Variants in CPQ observed in about 807,000 individuals in gnomAD.
CPQ encodes Ser-Met dipeptidase.
Under a neutral mutation model 45.7 loss-of-function variants are expected in CPQ, and 37 were observed. The observed-to-expected ratio is 0.81, with a 90% CI of 0.62 to 1.07. CPQ has a LOEUF of 1.07. Among genes scored for constraint, CPQ ranks in the 50% least tolerant of loss-of-function variants. CPQ has a pLI of 0.00. For synonymous variants in CPQ, 186 were observed against 205.8 expected, an observed-to-expected ratio of 0.90 and a Z score of 0.82; for missense variants, 537 against 572.9, an observed-to-expected ratio of 0.94 and a Z score of 0.64.
intron 4 of CPQ, among the ~76,000 whole-genome samples, chr8:96,950,509 C>A (rs1198335730): frequency 1.3e-5 from 2 of 152,058 alleles, no homozygotes; most frequent in Non-Finnish European, 2.9e-5. Flanking sequence ...TCCTCCTCCC[C>A]TCTCCCCAGT....
At chr8:97,003,836 T>A (rs1809331156) in intron 5 of CPQ, among the ~76,000 whole-genome samples, 1 of 152,198 alleles carries the variant, frequency 6.6e-6, no homozygotes, top group Non-Finnish European at 1.5e-5. Flanking sequence ...AACCTCATCA[T>A]TCTGCTAAGT....
At chr8:96,825,374 A>T (rs1211982693) in intron 2 of CPQ, among the ~76,000 whole-genome samples, 3 of 151,994 alleles carry the variant, frequency 2.0e-5, no homozygotes, top group Non-Finnish European at 2.9e-5. Context: ...TATGAAGCTA[A>T]CACCATGGGT....
intron 1 of CPQ, among the ~76,000 whole-genome samples, chr8:96,730,866 C>CATGTATATATATATATATATAT: frequency 1.5e-5 from 1 of 68,696 alleles, no homozygotes; most frequent in Admixed American, 1.7e-4. Flanking sequence ...ACCATACATA[C>CATGTATATATATATATATATAT]ATATATATAT....
intron 2 of CPQ, among the ~76,000 whole-genome samples, chr8:96,801,074 A>C (rs1270144317): frequency 6.6e-6 from 1 of 150,564 alleles, no homozygotes; most frequent in Non-Finnish European, 1.5e-5. Flanking sequence ...CTCATGGGTT[A>C]AACCAATTCT....
At chr8:96,743,304 C>T (rs1048968013) in intron 1 of CPQ, among the ~76,000 whole-genome samples, 4 of 151,660 alleles carry the variant, frequency 2.6e-5, no homozygotes, top group African/African-American at 4.8e-5. Flanking sequence ...ACGTAGTTCT[C>T]GAGCCTTGGT....
At chr8:97,045,168 T>C (rs1563564499) in intron 6 of CPQ, among the ~76,000 whole-genome samples, 1 of 152,246 alleles carries the variant, frequency 6.6e-6, no homozygotes, top group African/African-American at 2.4e-5. Context: ...CTGCTTTTTT[T>C]ACCTAAGCAA....
intron 2 of CPQ, among the ~76,000 whole-genome samples, chr8:96,809,093 C>A (rs1264314905): frequency 6.6e-6 from 1 of 151,952 alleles, no homozygotes; most frequent in Non-Finnish European, 1.5e-5. Flanking sequence ...AGCTGTTTGA[C>A]CAGAAGATTC....
chr8:97,072,288 A>T (rs1810757031), intron 7 of CPQ, among the ~76,000 whole-genome samples: 2 of 152,134 alleles, frequency 1.3e-5, no homozygotes, highest in Admixed American at 1.3e-4. Context: ...AATTAAAAGT[A>T]GCTGCAATAT....
intron 3 of CPQ, among the ~76,000 whole-genome samples, chr8:96,840,697 T>C (rs965659561): frequency 6.6e-6 from 1 of 152,142 alleles, no homozygotes. Flanking sequence ...AGGGCATAGA[T>C]GATGGCAATT....
intron 4 of CPQ, among the ~76,000 whole-genome samples, chr8:96,920,005 A>T (rs754859813): frequency 3.9e-5 from 6 of 152,216 alleles, no homozygotes; most frequent in Non-Finnish European, 5.9e-5. Flanking sequence ...GATAATAGCA[A>T]TACAAACATT....
chr8:96,954,058 C>T (rs1813312490), intron 4 of CPQ, among the ~76,000 whole-genome samples: 1 of 152,118 alleles, frequency 6.6e-6, no homozygotes, highest in Non-Finnish European at 1.5e-5. Flanking sequence ...GCAATGCTAA[C>T]ATTCAAAACT....
chr8:96,791,342 G>A (rs1810842811), intron 2 of CPQ, among the ~76,000 whole-genome samples: 1 of 152,150 alleles, frequency 6.6e-6, no homozygotes, highest in Non-Finnish European at 1.5e-5. Flanking sequence ...GTTGATACCT[G>A]TACTGTGACA....
intron 4 of CPQ, 143 bp downstream of exon 4, chr8:96,880,148 T>C: frequency 1.5e-6 from 1 of 686,102 alleles, no homozygotes; most frequent in Non-Finnish European, 2.4e-6. Flanking sequence ...ATATATATTT[T>C]TTCTCATCAA....
chr8:96,928,863 C>T (rs866044878), intron 4 of CPQ, among the ~76,000 whole-genome samples: 2 of 152,122 alleles, frequency 1.3e-5, no homozygotes, highest in Admixed American at 6.5e-5. Context: ...TGTTTGGATT[C>T]GGGTCTGATT....
intron 1 of CPQ, among the ~76,000 whole-genome samples, chr8:96,704,885 T>G (rs1809513160): frequency 6.6e-6 from 1 of 152,138 alleles, no homozygotes; most frequent in Non-Finnish European, 1.5e-5. Context: ...AGGTATTAAG[T>G]AGACAATTGG....
At chr8:96,883,105 G>A (rs1435158624) in intron 4 of CPQ, among the ~76,000 whole-genome samples, 3 of 152,118 alleles carry the variant, frequency 2.0e-5, no homozygotes, top group Non-Finnish European at 2.9e-5. Flanking sequence ...TGATTCAGTT[G>A]TTTCTTCCTT....
At chr8:96,771,953 C>G (rs562177872) in intron 1 of CPQ, among the ~76,000 whole-genome samples, 6 of 151,888 alleles carry the variant, frequency 4.0e-5, no homozygotes, top group Admixed American at 2.6e-4. Context: ...ATTCTCTACC[C>G]ACAATGAGTT....
In CPQ at chr8:96,740,888, C is replaced by T. The variant is rs571667298; in HGVS notation, c.-34-43976C>T. ...GCTAGTATTTTATTGAGGATTTTTG[C>T]ATCAATGTTCATCAAGGATATTGGT... On this transcript the variant is annotated intron_variant, in intron 1 of 7. Transcript: ENST00000220763. Among the ~76,000 whole-genome samples, 217 of 152,236 alleles carry T rather than the reference C, an allele frequency of 1.4e-3. 4 individuals are homozygous for T. The highest frequency in any genetic ancestry group is 0.011 in the Admixed American group (168 of 15,288).
At chr8:97,083,462 G>A (rs1482591397) in intron 7 of CPQ, among the ~76,000 whole-genome samples, 1 of 152,140 alleles carries the variant, frequency 6.6e-6, no homozygotes, top group Non-Finnish European at 1.5e-5. Flanking sequence ...TAACCACCCT[G>A]CTACTATACT....
Sources: gnomAD v4.1 joint callset for allele counts (sites outside exome capture counted in the v4.1 genomes callset) on GRCh38, gnomAD v4.1.1 for gene constraint, MANE v1.5 for transcripts, NCBI Gene and HGNC (gene_info 2026-07-23, HGNC 2026-07-21) for gene names.